TMEM132D: variants seen among roughly 807,000 people sequenced by gnomAD.
TMEM132D encodes the protein transmembrane protein 132D, also known as mature OL transmembrane protein.
Under a neutral mutation model 62.3 loss-of-function variants are expected in TMEM132D, and 21 were observed. The observed-to-expected ratio is 0.34, with a 90% CI of 0.24 to 0.49. The LOEUF is 0.49. TMEM132D is among the 20% of genes least tolerant of loss of function. The pLI, the probability that TMEM132D is intolerant of heterozygous loss-of-function variation, is 0.99. For synonymous variants in TMEM132D, 621 were observed against 575.6 expected, an observed-to-expected ratio of 1.08 and a Z score of -1.13; for missense variants, 1,346 against 1,402.8, an observed-to-expected ratio of 0.96 and a Z score of 0.65.
intron 2 of TMEM132D, among the ~76,000 whole-genome samples, chr12:129,654,847 C>G (rs1203419065): frequency 1.3e-5 from 2 of 152,232 alleles, no homozygotes; most frequent in South Asian, 2.1e-4. Context: ...CCCCTTCAAA[C>G]AGAGAGAGAA....
At chr12:129,515,932 T>C (rs1377853406) in intron 3 of TMEM132D, among the ~76,000 whole-genome samples, 1 of 152,222 alleles carries the variant, frequency 6.6e-6, no homozygotes, top group Non-Finnish European at 1.5e-5. Context: ...TGTTAATCTG[T>C]CTTTTTTCAT....
At chr12:129,555,530 C>T (rs1346512786) in intron 2 of TMEM132D, among the ~76,000 whole-genome samples, 1 of 152,174 alleles carries the variant, frequency 6.6e-6, no homozygotes, top group Non-Finnish European at 1.5e-5. Context: ...TATAAAATGA[C>T]ATTCGAAAGT....
chr12:129,107,378 C>T (rs1346652768), intron 5 of TMEM132D, among the ~76,000 whole-genome samples: 1 of 152,150 alleles, frequency 6.6e-6, no homozygotes, highest in Non-Finnish European at 1.5e-5. Flanking sequence ...GATATCAAAT[C>T]AAGTAAAATG....
chr12:129,522,460 C>G (rs550915407), intron 3 of TMEM132D: 1 of 152,060 alleles, frequency 6.6e-6, no homozygotes, highest in Admixed American at 6.5e-5. Context: ...AGCCACAGAT[C>G]ATCCACACAT....
intron 5 of TMEM132D, among the ~76,000 whole-genome samples, chr12:129,103,839 G>A (rs1875396590): frequency 6.6e-6 from 1 of 152,162 alleles, no homozygotes; most frequent in Non-Finnish European, 1.5e-5. Flanking sequence ...TACAAGGGAG[G>A]TGAAGGACCT....
At chr12:129,896,947 A>G (rs185420806) in intron 1 of TMEM132D, among the ~76,000 whole-genome samples, 85 of 152,288 alleles carry the variant, frequency 5.6e-4, no homozygotes, top group Non-Finnish European at 1.1e-3. Context: ...TGCATGCCAC[A>G]GGTTTGTTTA....
chr12:129,794,356 C>A (rs73429392), intron 1 of TMEM132D, among the ~76,000 whole-genome samples: 12,548 of 150,942 alleles, frequency 0.083, 658 homozygotes, highest in South Asian at 0.14. Context: ...CCCACCTCGG[C>A]CTCCCAGAAT....
At chr12:129,170,677 A>G (rs1877694793) in intron 5 of TMEM132D, among the ~76,000 whole-genome samples, 1 of 151,934 alleles carries the variant, frequency 6.6e-6, no homozygotes, top group Admixed American at 6.6e-5. Flanking sequence ...ATACAAAAAT[A>G]AGCTGAGTGT....
intron 5 of TMEM132D, among the ~76,000 whole-genome samples, chr12:129,191,893 T>A (rs1878416455): frequency 6.6e-6 from 1 of 152,248 alleles, no homozygotes; most frequent in African/African-American, 2.4e-5. Context: ...GTGGCTTGCA[T>A]GTATCAGAAA....
At chr12:129,440,803 G>A (rs1872916078) in intron 3 of TMEM132D, among the ~76,000 whole-genome samples, 1 of 152,228 alleles carries the variant, frequency 6.6e-6, no homozygotes, top group South Asian at 2.1e-4. Context: ...CTTGAAGCCT[G>A]GGTTGGCAGG....
intron 5 of TMEM132D, among the ~76,000 whole-genome samples, chr12:129,162,307 A>G (rs1877421882): frequency 6.6e-6 from 1 of 152,180 alleles, no homozygotes; most frequent in Non-Finnish European, 1.5e-5. Flanking sequence ...CAAGCCAGGA[A>G]GAGAGCCCTC....
intron 1 of TMEM132D, among the ~76,000 whole-genome samples, chr12:129,810,124 C>T (rs555044059): frequency 1.2e-4 from 18 of 152,072 alleles, no homozygotes; most frequent in South Asian, 4.1e-4. Flanking sequence ...ATTAAGTTGG[C>T]GGTGCCGTAT....
chr12:129,287,631 A>C (rs1037916289), intron 4 of TMEM132D, among the ~76,000 whole-genome samples: 2 of 152,186 alleles, frequency 1.3e-5, no homozygotes, highest in African/African-American at 4.8e-5. Context: ...ACAGCACCTG[A>C]ACCAAATGCT....
intron 3 of TMEM132D, among the ~76,000 whole-genome samples, chr12:129,519,898 C>T (rs894697707): frequency 1.3e-5 from 2 of 152,062 alleles, no homozygotes; most frequent in East Asian, 1.9e-4. Context: ...TGTGAGCCAC[C>T]GCACCTGGCC....
intron 1 of TMEM132D, among the ~76,000 whole-genome samples, chr12:129,807,698 G>A (rs1593169905): frequency 6.6e-6 from 1 of 152,196 alleles, no homozygotes; most frequent in Non-Finnish European, 1.5e-5. Flanking sequence ...GGTGTGAAAG[G>A]CGGGCAGGCT....
Position 129,073,529 on chromosome 12 carries a change from A to G in TMEM132D, c.*346T>C, listed in dbSNP as rs144460624. On this transcript the variant is annotated 3_prime_UTR_variant, in exon 9 of 9. Coordinates refer to ENST00000422113, the MANE Select transcript of TMEM132D (RefSeq NM_133448.3). Reference sequence around the variant, plus strand: ...GTCTGCAATATTGAATATTGGAGCCATGTGGATTTTACAATATCCAAATTG... The same window carrying G: ...GTCTGCAATATTGAATATTGGAGCCGTGTGGATTTTACAATATCCAAATTG... The G allele has an allele frequency of 9.7e-6, 2 of 206,670 alleles. No homozygotes were observed. Among genetic ancestry groups the G allele is most frequent in the Admixed American group, 1.1e-4 (2 of 18,262 alleles). The allele number at this position is 206,670 out of a possible 1,614,324, so 12.8% of individuals were successfully genotyped here.
chr12:129,421,991 C>T (rs1872337931), intron 3 of TMEM132D, among the ~76,000 whole-genome samples: 1 of 151,776 alleles, frequency 6.6e-6, no homozygotes, highest in Non-Finnish European at 1.5e-5. Context: ...TTTCCTTCTC[C>T]TGTGCCTTCG....
chr12:129,766,298 C>T (rs143028369), intron 1 of TMEM132D, among the ~76,000 whole-genome samples: 2 of 152,182 alleles, frequency 1.3e-5, no homozygotes, highest in Admixed American at 6.5e-5. Context: ...TCCCTCCCCA[C>T]AATAAAATGG....
intron 1 of TMEM132D, among the ~76,000 whole-genome samples, chr12:129,714,436 A>T (rs146360336): frequency 4.5e-4 from 69 of 152,284 alleles, no homozygotes; most frequent in African/African-American, 1.6e-3. Context: ...CAGGGCACAG[A>T]TGGACACTGG....
Sources: allele counts gnomAD v4.1 joint callset (sites outside exome capture counted in the v4.1 genomes callset), GRCh38; gene constraint gnomAD v4.1.1; transcripts MANE v1.5; gene names NCBI Gene and HGNC (gene_info 2026-07-23, HGNC 2026-07-21).